Variants in EFCAB8 observed in about 807,000 individuals in gnomAD.
EFCAB8 encodes the protein EF-hand calcium binding domain 8.
In EFCAB8, 100 loss-of-function variants were observed where a neutral mutation model predicts 116.3. The ratio of observed to expected loss-of-function variants is 0.86; its 90% CI spans 0.73 to 1.02. The LOEUF is 1.02. EFCAB8 is among the 50% of genes least tolerant of loss of function. EFCAB8 has a pLI of 0.00. For synonymous variants in EFCAB8, 558 were observed against 567.9 expected (o/e 0.98, Z 0.25); for missense variants, 1,320 against 1,416.9 (o/e 0.93, Z 1.10).
intron 22 of EFCAB8, among the ~76,000 whole-genome samples, chr20:32,939,187 CTT>C (rs1459924203): frequency 8.9e-5 from 6 of 67,646 alleles, no homozygotes; most frequent in African/African-American, 2.7e-4. Flanking sequence ...TTCTTTCTTT[CTT>C]TCTTTCTTTC....
At chr20:32,901,220 A>G (rs1986409961) in intron 11 of EFCAB8, among the ~76,000 whole-genome samples, 1 of 152,202 alleles carries the variant, frequency 6.6e-6, no homozygotes, top group Non-Finnish European at 1.5e-5. Context: ...CACTTAGTGT[A>G]TATTGGGGTG....
intron 20 of EFCAB8, among the ~76,000 whole-genome samples, chr20:32,928,153 T>C (rs1218555522): frequency 6.6e-6 from 1 of 152,272 alleles, no homozygotes; most frequent in African/African-American, 2.4e-5. Context: ...TTTACTCTTT[T>C]TTTGACACTA....
At chr20:32,893,151 C>T in intron 8 of EFCAB8, 23 bp from the exon 9 acceptor site, 2 of 1,551,598 alleles carry the variant, frequency 1.3e-6, no homozygotes, top group Non-Finnish European at 1.7e-6. Flanking sequence ...CACACAACCT[C>T]TTCCGTCTCC....
intron 1 of EFCAB8, among the ~76,000 whole-genome samples, chr20:32,862,157 G>T (rs1260263907): frequency 1.3e-4 from 20 of 150,086 alleles, no homozygotes; most frequent in African/African-American, 4.4e-4. Flanking sequence ...TTGAGACAGG[G>T]TCTCACTCTG....
intron 4 of EFCAB8, among the ~76,000 whole-genome samples, chr20:32,876,615 C>T (rs1984989217): frequency 6.6e-6 from 1 of 152,162 alleles, no homozygotes; most frequent in African/African-American, 2.4e-5. Flanking sequence ...GTGCTAAGCT[C>T]TCTATGTATT....
chr20:32,870,526 T>G (rs1984633271), intron 3 of EFCAB8, among the ~76,000 whole-genome samples: 1 of 152,208 alleles, frequency 6.6e-6, no homozygotes, highest in Admixed American at 6.5e-5. Context: ...AGGGACAGGG[T>G]CTCGCTTGGT....
At chr20:32,859,655 T>TA (rs1984000673) in intron 1 of EFCAB8, among the ~76,000 whole-genome samples, 1 of 152,248 alleles carries the variant, frequency 6.6e-6, no homozygotes, top group Non-Finnish European at 1.5e-5. Context: ...CCAGATAGAC[T>TA]AATTGTGAAC....
In EFCAB8 at chr20:32,920,164, AG is replaced by A; in HGVS notation, c.2363del (p.Gly788GlufsTer18). On this transcript the variant is annotated frameshift_variant, in exon 20 of 27. Transcript: ENST00000400522. LOFTEE classifies it high-confidence loss of function. The part of the protein sequence containing the change: ...SIYKEDETRK[G>X]EWQKNMLVQS... ...TTTACAAAGAGGATGAAACGAGAAAAGGAGAATGGCAGAAGAATATGTTGGT... is the reference window on the plus strand; with the variant it reads ...TTTACAAAGAGGATGAAACGAGAAAAGAGAATGGCAGAAGAATATGTTGGT... The A allele has an allele frequency of 6.4e-7, 1 of 1,551,738 alleles. No individual in the cohort carries two copies. The highest frequency in any genetic ancestry group is 8.7e-7 in the Non-Finnish European group (1 of 1,146,992).
chr20:32,866,086 C>T (rs921674725), intron 2 of EFCAB8, among the ~76,000 whole-genome samples: 3 of 152,108 alleles, frequency 2.0e-5, no homozygotes, highest in Non-Finnish European at 2.9e-5. Context: ...AGAGCCTTCA[C>T]GTGCTCCTCT....
intron 9 of EFCAB8, among the ~76,000 whole-genome samples, chr20:32,893,721 G>A (rs871104): frequency 0.14 from 21,677 of 151,956 alleles, 1,602 homozygotes; most frequent in East Asian, 0.21. Context: ...TGGGTGGGCA[G>A]GGGCTGTCCT....
chr20:32,915,676 T>C (rs6088038), intron 17 of EFCAB8, among the ~76,000 whole-genome samples: 7,733 of 151,728 alleles, frequency 0.051, 264 homozygotes, highest in Non-Finnish European at 0.081. Context: ...TACCTACTTT[T>C]TTTTTTTTTT....
chr20:32,930,374 G>A (rs1987848029), intron 20 of EFCAB8, 24 bp from the exon 21 acceptor site: 1 of 1,542,972 alleles, frequency 6.5e-7, no homozygotes, highest in Non-Finnish European at 8.7e-7. Context: ...GCCCTGCTGA[G>A]CCGGGCCCTC....
Position 32,894,715 on chromosome 20 carries a change from C to T in EFCAB8, c.883+1417C>T, listed in dbSNP as rs550621839. 5.9e-5 allele frequency among the ~76,000 whole-genome samples: 9 copies of T among 152,334 alleles called. No individual in the cohort carries two copies. The South Asian group carries it at 1.9e-3, about 32-fold the overall frequency. ...TTCCCTTATTCAAATAGGGATGGCCCTACTTCCCTGATAGCTTTGGTATAA... is the reference window on the plus strand; with the variant it reads ...TTCCCTTATTCAAATAGGGATGGCCTTACTTCCCTGATAGCTTTGGTATAA... On this transcript the variant is annotated intron_variant, in intron 9 of 26. Coordinates refer to ENST00000400522, the MANE Select transcript of EFCAB8 (RefSeq NM_001143967.2).
intron 26 of EFCAB8, 40 bp from the exon 27 acceptor site, chr20:32,961,096 A>G (rs552943411): frequency 3.3e-6 from 5 of 1,524,634 alleles, no homozygotes; most frequent in Admixed American, 3.9e-5. Context: ...CCCGGCTCCA[A>G]CTGGTGCCCC....
rs144388952 is a variant in EFCAB8, at chr20:32,913,499, C to T, written c.1856+635C>T. Among the ~76,000 whole-genome samples the T allele has an allele frequency of 5.9e-5, 9 of 152,236 alleles. No individual in the cohort carries two copies. The East Asian group carries it at 9.7e-4, about 16-fold the overall frequency. Reference sequence around the variant, plus strand: ...GAGCAAAATTCAGTCTATGGCATTCCGTCCCTGACTTCCCAAAATTCATGT... The same window carrying T: ...GAGCAAAATTCAGTCTATGGCATTCTGTCCCTGACTTCCCAAAATTCATGT... On this transcript the variant is annotated intron_variant, in intron 17 of 26. Coordinates refer to ENST00000400522, the MANE Select transcript of EFCAB8 (RefSeq NM_001143967.2).
At chr20:32,922,270 C>T (rs543357409) in intron 20 of EFCAB8, among the ~76,000 whole-genome samples, 10 of 152,252 alleles carry the variant, frequency 6.6e-5, no homozygotes, top group Non-Finnish European at 1.0e-4. Context: ...CATTCTTGCA[C>T]GTACATTTCT....
At chr20:32,871,705 G>C (rs148669699) in intron 3 of EFCAB8, among the ~76,000 whole-genome samples, 1 of 152,258 alleles carries the variant, frequency 6.6e-6, no homozygotes, top group African/African-American at 2.4e-5. Flanking sequence ...TAAGGAGGTG[G>C]ATTATGAGTG....
At chr20:32,921,123 G>C (rs1427207973) in intron 20 of EFCAB8, among the ~76,000 whole-genome samples, 1 of 152,176 alleles carries the variant, frequency 6.6e-6, no homozygotes, top group Non-Finnish European at 1.5e-5. Flanking sequence ...AGTGCCCTGA[G>C]AGCTGGGTTT....
chr20:32,931,073 C>T, intron 21 of EFCAB8, 105 bp from the exon 22 acceptor site: 1 of 1,000,850 alleles, frequency 1.0e-6, no homozygotes, highest in Non-Finnish European at 1.5e-6. Flanking sequence ...AAGAACTGCC[C>T]CCCACCCCCA....
Sources: allele counts gnomAD v4.1 joint callset (sites outside exome capture counted in the v4.1 genomes callset), GRCh38; gene constraint gnomAD v4.1.1; transcripts MANE v1.5; gene names NCBI Gene and HGNC (gene_info 2026-07-23, HGNC 2026-07-21).